RGS8: variants seen among roughly 807,000 people sequenced by gnomAD.
RGS8 encodes regulator of G-protein signaling 8.
In RGS8, 8 loss-of-function variants were observed where a neutral mutation model predicts 21.7. That is an observed-to-expected ratio of 0.37 (90% CI 0.22 to 0.66). The LOEUF (loss-of-function observed/expected upper bound fraction) is 0.66, where lower values mean the gene tolerates loss of function less well. Among genes scored for constraint, RGS8 ranks in the 30% least tolerant of loss-of-function variants. The pLI is 0.59. For missense variants in RGS8, 157 were observed against 217.9 expected (o/e 0.72, Z 1.76); for synonymous variants, 80 against 83.6 (o/e 0.96, Z 0.24).
At chr1:182,715,296 A>G in the RGS8 span, among the ~76,000 whole-genome samples, 1 of 152,226 alleles carries the variant, frequency 6.6e-6, no homozygotes, top group African/African-American at 2.4e-5. Context: ...TGATGGAAGT[A>G]GTCCAGGTGT....
At chr1:182,698,277 T>C in the RGS8 span, among the ~76,000 whole-genome samples, 1 of 152,190 alleles carries the variant, frequency 6.6e-6, no homozygotes, top group East Asian at 1.9e-4. Context: ...ATTCAGTTGG[T>C]TTCTTTTATT....
intron 5 of RGS8, among the ~76,000 whole-genome samples, chr1:182,661,982 C>T (rs1663613648): frequency 6.6e-6 from 1 of 152,086 alleles, no homozygotes; most frequent in Non-Finnish European, 1.5e-5. Context: ...TTTCAATTTC[C>T]TTGTTCGTTT....
intron 5 of RGS8, among the ~76,000 whole-genome samples, chr1:182,657,967 T>G (rs536854648): frequency 6.6e-6 from 1 of 152,376 alleles, no homozygotes; most frequent in African/African-American, 2.4e-5. Flanking sequence ...CAGAAGGACC[T>G]GCTGTTTTGT....
At chr1:182,702,630 T>A in the RGS8 span, among the ~76,000 whole-genome samples, 12 of 152,310 alleles carry the variant, frequency 7.9e-5, no homozygotes, top group East Asian at 1.7e-3. Context: ...AGGCTAAAGA[T>A]CCAATCGTAA....
At chr1:182,705,570 T>C in the RGS8 span, among the ~76,000 whole-genome samples, 1 of 135,598 alleles carries the variant, frequency 7.4e-6, no homozygotes, top group Non-Finnish European at 1.6e-5. Context: ...CATGCAGCAT[T>C]GATGTGGGTG....
At chr1:182,663,677 T>C (rs567727533) in intron 5 of RGS8, among the ~76,000 whole-genome samples, 3 of 151,598 alleles carry the variant, frequency 2.0e-5, no homozygotes, top group Admixed American at 1.3e-4. Context: ...ACTGCAGACA[T>C]TCACCATCGC....
At chr1:182,700,160 C>A in the RGS8 span, among the ~76,000 whole-genome samples, 2 of 151,886 alleles carry the variant, frequency 1.3e-5, no homozygotes, top group Non-Finnish European at 2.9e-5. Context: ...TCGGCTCCGG[C>A]GAGGGGGAGG....
At chr1:182,749,040 C>A in the RGS8 span, among the ~76,000 whole-genome samples, 1 of 152,132 alleles carries the variant, frequency 6.6e-6, no homozygotes. Flanking sequence ...TCCCACTCTG[C>A]AGGTTGTCTC....
chr1:182,654,734 GTAAAGGCTTAAACT>G (rs748198923), intron 5 of RGS8, among the ~76,000 whole-genome samples: 2 of 152,124 alleles, frequency 1.3e-5, no homozygotes, highest in Non-Finnish European at 2.9e-5. Flanking sequence ...TCATACAATT[GTAAAGGCTTAAACT>G]TAGATTCCTG....
At chr1:182,697,157 C>T in the RGS8 span, among the ~76,000 whole-genome samples, 2 of 152,216 alleles carry the variant, frequency 1.3e-5, no homozygotes, top group African/African-American at 4.8e-5. Context: ...AGAAACTCCA[C>T]ATCTTGATGA....
At chr1:182,687,191 A>G (rs918835494), upstream of RGS8, among the ~76,000 whole-genome samples, 2 of 152,138 alleles carry the variant, frequency 1.3e-5, no homozygotes, top group Non-Finnish European at 2.9e-5. Flanking sequence ...GTCTGGGAAT[A>G]CGCATTTATT....
At chr1:182,688,090 A>G (rs1340525256), upstream of RGS8, among the ~76,000 whole-genome samples, 1 of 152,240 alleles carries the variant, frequency 6.6e-6, no homozygotes, top group Non-Finnish European at 1.5e-5. Flanking sequence ...CTCTTTATTA[A>G]TTCACTTGCC....
the RGS8 span, among the ~76,000 whole-genome samples, chr1:182,735,149 T>G: frequency 6.6e-6 from 1 of 152,242 alleles, no homozygotes; most frequent in Non-Finnish European, 1.5e-5. Context: ...ATGGCTACTA[T>G]ACTGGGCAGT....
the RGS8 span, among the ~76,000 whole-genome samples, chr1:182,704,539 A>G: frequency 2.0e-5 from 3 of 152,186 alleles, no homozygotes; most frequent in African/African-American, 7.2e-5. Context: ...GGCATCTTGG[A>G]CCCATATGCA....
At chr1:182,687,974 T>C (rs1339119649), upstream of RGS8, among the ~76,000 whole-genome samples, 1 of 152,364 alleles carries the variant, frequency 6.6e-6, no homozygotes, top group South Asian at 2.1e-4. Context: ...ATAGAGTTTA[T>C]GGTACATTTA....
At chr1:182,657,411 T>G (rs1663339737) in intron 5 of RGS8, among the ~76,000 whole-genome samples, 1 of 152,182 alleles carries the variant, frequency 6.6e-6, no homozygotes, top group African/African-American at 2.4e-5. Flanking sequence ...GCTGGTTTAT[T>G]TCTGAAAGGC....
chr1:182,741,736 G>A, the RGS8 span, among the ~76,000 whole-genome samples: 1 of 108,056 alleles, frequency 9.3e-6, no homozygotes, highest in Admixed American at 8.8e-5. Flanking sequence ...GGACAGGGCG[G>A]CTGGCTGGGC....
At chr1:182,654,715 A>G (rs1480131462) in intron 5 of RGS8, among the ~76,000 whole-genome samples, 2 of 152,232 alleles carry the variant, frequency 1.3e-5, no homozygotes, top group Non-Finnish European at 1.5e-5. Context: ...TGTGATAAAA[A>G]AAAAACCGTC....
chr1:182,644,432 T>G (rs906608977), downstream of RGS8: 1 of 152,266 alleles, frequency 6.6e-6, no homozygotes, highest in Non-Finnish European at 1.5e-5. Flanking sequence ...ATACCCTTGC[T>G]TAGCTGCAAA....
Sources: allele counts gnomAD v4.1 joint callset (sites outside exome capture counted in the v4.1 genomes callset), GRCh38; gene constraint gnomAD v4.1.1; transcripts MANE v1.5; gene names NCBI Gene and HGNC (gene_info 2026-07-23, HGNC 2026-07-21).